Variants in NFIB observed in about 807,000 individuals in gnomAD.
NFIB encodes the protein nuclear factor I B, also known as nuclear factor 1 B-type.
In NFIB, 11 loss-of-function variants were observed where a neutral mutation model predicts 61.5. The ratio of observed to expected loss-of-function variants is 0.18; its 90% CI spans 0.11 to 0.30. The LOEUF (loss-of-function observed/expected upper bound fraction) is 0.30, where lower values mean the gene tolerates loss of function less well. NFIB is among the 10% of genes least tolerant of loss of function. The pLI, the probability that NFIB is intolerant of heterozygous loss-of-function variation, is 1.00. For missense variants in NFIB, 471 were observed against 608.9 expected (o/e 0.77, Z 2.38); for synonymous variants, 260 against 216.5 (o/e 1.20, Z -1.76).
intron 2 of NFIB, among the ~76,000 whole-genome samples, chr9:14,248,762 G>A (rs2055234031): frequency 6.6e-6 from 1 of 152,178 alleles, no homozygotes; most frequent in Non-Finnish European, 1.5e-5. Flanking sequence ...AGTCCAAGGA[G>A]ATCCAGCCCA....
intron 1 of NFIB, among the ~76,000 whole-genome samples, chr9:14,382,648 G>A (rs1185502509): frequency 6.6e-6 from 1 of 152,066 alleles, no homozygotes. Context: ...GAGGGTAGCA[G>A]GTTACGTGTG....
At chr9:14,104,621 C>T (rs1272475472) in intron 10 of NFIB, among the ~76,000 whole-genome samples, 2 of 151,762 alleles carry the variant, frequency 1.3e-5, no homozygotes, top group African/African-American at 2.4e-5. Context: ...CCCTCTGTGG[C>T]CCATGCTGGA....
intron 1 of NFIB, among the ~76,000 whole-genome samples, chr9:14,358,090 T>C (rs985922447): frequency 2.0e-5 from 3 of 152,120 alleles, no homozygotes; most frequent in African/African-American, 7.2e-5. Context: ...TGCAACTTTG[T>C]GATTTTGTTA....
At position 14,125,508 on chromosome 9, in the gene NFIB, T is replaced by G. The variant is rs536144165; in HGVS notation, c.1060+124A>C. ...AAAATACTTGATCGGATTGTGCCCC[T>G]CACCATATGGGTTGAGAAAATATGG... is the stretch of plus-strand genomic sequence containing the variant. On this transcript the variant is annotated intron_variant, in intron 7 of 10. Transcript: ENST00000380953. 3 of 1,336,014 alleles carry G rather than the reference T, an allele frequency of 2.2e-6. No individual in the cohort carries two copies. The African/African-American group carries it at 4.4e-5, about 20-fold the overall frequency. The allele number at this position is 1,336,014 out of a possible 1,614,324, so 82.8% of individuals were successfully genotyped here. A position where few individuals can be genotyped will look rare whatever the true frequency, so the allele number is the denominator to read the frequency against.
chr9:14,338,426 T>G (rs545012651), intron 1 of NFIB, among the ~76,000 whole-genome samples: 95 of 151,578 alleles, frequency 6.3e-4, no homozygotes, highest in African/African-American at 2.2e-3. Flanking sequence ...GAAAAGAAAA[T>G]ATGTATTTGC....
intron 2 of NFIB, among the ~76,000 whole-genome samples, chr9:14,208,270 T>C (rs1412194945): frequency 6.6e-6 from 1 of 152,170 alleles, no homozygotes; most frequent in Non-Finnish European, 1.5e-5. Flanking sequence ...AATCGATACG[T>C]GTTCAGTGTA....
chr9:14,259,447 T>C (rs963508331), intron 2 of NFIB, among the ~76,000 whole-genome samples: 3 of 152,202 alleles, frequency 2.0e-5, no homozygotes, highest in African/African-American at 7.2e-5. Flanking sequence ...TAAACTGGAC[T>C]TGACTGTGGA....
Position 14,313,655 on chromosome 9 carries a change from A to C in NFIB, c.-144T>G. Reference sequence around the variant, plus strand: ...CTCTGCGCTGGATCACCGCAACTTCACAACAAACCCAGTCCTCCTTAAATA... The same window carrying C: ...CTCTGCGCTGGATCACCGCAACTTCCCAACAAACCCAGTCCTCCTTAAATA... On this transcript the variant is annotated 5_prime_UTR_variant, in exon 1 of 11. Coordinates refer to ENST00000380953, the MANE Select transcript of NFIB (RefSeq NM_001190737.2). The surrounding 1 kb of genome is among the most constrained non-coding windows in gnomAD (Gnocchi z 4.5). 2.0e-6 allele frequency: 3 copies of C among 1,523,028 alleles called. No homozygotes were observed. In the South Asian group the frequency reaches 3.8e-5, roughly 19 times the overall value. 94.3% of individuals were successfully genotyped at this position (1,523,028 alleles called of 1,614,324 possible). A position where few individuals can be genotyped will look rare whatever the true frequency, so the allele number is the denominator to read the frequency against.
At chr9:14,420,387 G>A in the NFIB span, among the ~76,000 whole-genome samples, 4 of 133,538 alleles carry the variant, frequency 3.0e-5, no homozygotes, top group African/African-American at 8.2e-5. Context: ...TGGAGGTTCC[G>A]GTGAACTAAG....
chr9:14,143,400 G>C (rs1466871421), intron 6 of NFIB, among the ~76,000 whole-genome samples: 5 of 151,980 alleles, frequency 3.3e-5, no homozygotes, highest in Admixed American at 3.3e-4. Context: ...CAATGGTTTA[G>C]GTTGGTATTT....
chr9:14,118,876 T>C (rs751445435), intron 8 of NFIB, among the ~76,000 whole-genome samples: 9 of 151,438 alleles, frequency 5.9e-5, no homozygotes, highest in Non-Finnish European at 1.2e-4. Context: ...TATCACCTAA[T>C]ATGCCCTCTT....
At chr9:14,176,443 C>A (rs779478278) in intron 3 of NFIB, among the ~76,000 whole-genome samples, 1 of 152,062 alleles carries the variant, frequency 6.6e-6, no homozygotes, top group African/African-American at 2.4e-5. Flanking sequence ...AAAAAGATTA[C>A]GGTGCCCACC....
At chr9:14,354,346 C>T (rs1001395217) in intron 1 of NFIB, among the ~76,000 whole-genome samples, 2 of 152,188 alleles carry the variant, frequency 1.3e-5, no homozygotes, top group Admixed American at 6.5e-5. Context: ...TCAGTCTCTG[C>T]TCTGTTTCTT....
At chr9:14,472,815 T>A in the NFIB span, among the ~76,000 whole-genome samples, 1 of 151,764 alleles carries the variant, frequency 6.6e-6, no homozygotes, top group African/African-American at 2.4e-5. Context: ...CACTGCAGCC[T>A]GGGCGACAGA....
At chr9:14,522,446 G>C in the NFIB span, among the ~76,000 whole-genome samples, 2 of 152,028 alleles carry the variant, frequency 1.3e-5, no homozygotes, top group South Asian at 2.1e-4. Flanking sequence ...TAACAATTTA[G>C]TGTTATTTCT....
At chr9:14,140,630 C>G (rs1028153131) in intron 6 of NFIB, among the ~76,000 whole-genome samples, 2 of 152,154 alleles carry the variant, frequency 1.3e-5, no homozygotes, top group African/African-American at 4.8e-5. Context: ...CATTCCTAAA[C>G]TCACATTAGG....
the NFIB span, among the ~76,000 whole-genome samples, chr9:14,456,955 G>A: frequency 6.6e-6 from 1 of 152,124 alleles, no homozygotes; most frequent in African/African-American, 2.4e-5. Flanking sequence ...TTTGGACGAT[G>A]GCTAAATAAA....
the NFIB span, among the ~76,000 whole-genome samples, chr9:14,411,612 C>G: frequency 6.6e-6 from 1 of 152,172 alleles, no homozygotes; most frequent in Non-Finnish European, 1.5e-5. Flanking sequence ...TCATGAGCCA[C>G]GGAACAATAC....
chr9:14,397,910 G>A (rs2061703499), intron 1 of NFIB, among the ~76,000 whole-genome samples: 2 of 152,144 alleles, frequency 1.3e-5, no homozygotes, highest in African/African-American at 2.4e-5. Context: ...GCACCATACT[G>A]TCATTCTGGT....
Sources: allele counts gnomAD v4.1 joint callset (sites outside exome capture counted in the v4.1 genomes callset), GRCh38; gene constraint gnomAD v4.1.1; non-coding constraint Gnocchi (gnomAD v3.1); transcripts MANE v1.5; gene names NCBI Gene and HGNC (gene_info 2026-07-23, HGNC 2026-07-21).